ARF6: variants seen among roughly 807,000 people sequenced by gnomAD.
ARF6 encodes the protein ARF GTPase 6.
For missense variants in ARF6, 75 were observed against 232.0 expected (o/e 0.32, Z 4.40); for synonymous variants, 127 against 95.5 (o/e 1.33, Z -1.92).
rs1233851743 is a variant in ARF6 at position 49,895,213 on chromosome 14, ATATT to A, written c.*951_*954del. ...CACACACAGATTAAATAATTTGTAG[ATATT>A]TTAAGTGACTTTTGGGCAAAACTGG... is the stretch of plus-strand genomic sequence containing the variant. On this transcript the variant is annotated 3_prime_UTR_variant, in exon 2 of 2. Coordinates refer to ENST00000298316, the MANE Select transcript of ARF6 (RefSeq NM_001663.4). The A allele has an allele frequency of 6.0e-6, 1 of 166,924 alleles. No homozygotes were observed. The highest frequency in any genetic ancestry group is 1.5e-5 in the Non-Finnish European group (1 of 68,124). The allele number at this position is 166,924 out of a possible 1,614,324, so 10.3% of individuals were successfully genotyped here. A position where few individuals can be genotyped will look rare whatever the true frequency, so the allele number is the denominator to read the frequency against.
At position 49,896,669 on chromosome 14, in the gene ARF6, T is replaced by G. The variant is rs928383713; in HGVS notation, c.*2405T>G. The G allele has an allele frequency of 2.4e-5, 4 of 166,982 alleles. No homozygotes were observed. Among genetic ancestry groups the G allele is most frequent in the African/African-American group, 9.7e-5 (4 of 41,424 alleles). The allele number at this position is 166,982 out of a possible 1,614,324, so 10.3% of individuals were successfully genotyped here. On this transcript the variant is annotated 3_prime_UTR_variant, in exon 2 of 2. Coordinates refer to ENST00000298316, the MANE Select transcript of ARF6 (RefSeq NM_001663.4). ...GGAGGGGGAAGCAAATATTTGAAAT[T>G]TGGAAAACCCTAAACCTTTTGGTAA...
Position 49,893,856 on chromosome 14 carries a change from C to A in ARF6, c.120C>A (p.Thr40=). 1 of 1,614,240 alleles carries A rather than the reference C, an allele frequency of 6.2e-7. No homozygotes were observed. Among genetic ancestry groups the A allele is most frequent in the Non-Finnish European group, 8.5e-7 (1 of 1,180,040 alleles). The change falls in exon 2 of 2, where the codon ACC becomes ACA. Residue 40 remains threonine, a synonymous_variant. Coordinates refer to ENST00000298316, the MANE Select transcript of ARF6 (RefSeq NM_001663.4). ...LYKLKLGQSV[T]TIPTVGFNVE... ...AGTTGAAGCTGGGCCAGTCGGTGACCACCATTCCCACTGTGGGTTTCAACG... is the reference window on the plus strand; with the variant it reads ...AGTTGAAGCTGGGCCAGTCGGTGACAACCATTCCCACTGTGGGTTTCAACG...
intron 1 of ARF6, 41 bp downstream of exon 1, chr14:49,893,198 T>G (rs2139187432): frequency 6.6e-6 from 1 of 152,236 alleles, no homozygotes; most frequent in African/African-American, 2.4e-5. Flanking sequence ...GCCACCTCGG[T>G]CTTCGCTCCT....
Position 49,895,805 on chromosome 14 carries a change from T to C in ARF6, c.*1541T>C, listed in dbSNP as rs1894516596. Reference sequence around the variant, plus strand: ...CACTATGATAATATTTTGAACCAAATGTTAATGCTTGATGCAGAATTGTAA... The same window carrying C: ...CACTATGATAATATTTTGAACCAAACGTTAATGCTTGATGCAGAATTGTAA... On this transcript the variant is annotated 3_prime_UTR_variant, in exon 2 of 2. Transcript: ENST00000298316. The C allele has an allele frequency of 6.0e-6, 1 of 166,634 alleles. No individual in the cohort carries two copies. The highest frequency in any genetic ancestry group is 2.1e-4 in the South Asian group (1 of 4,832). 10.3% of individuals were successfully genotyped at this position (166,634 alleles called of 1,614,324 possible).
rs1447656076 is a variant in ARF6 at position 49,893,642 on chromosome 14, G to T, written c.-95G>T. 5 of 1,498,934 alleles carry T rather than the reference G, an allele frequency of 3.3e-6. No homozygotes were observed. The East Asian group carries it at 9.1e-5, about 27-fold the overall frequency. 92.9% of individuals were successfully genotyped at this position (1,498,934 alleles called of 1,614,324 possible). A position where few individuals can be genotyped will look rare whatever the true frequency, so the allele number is the denominator to read the frequency against. On this transcript the variant is annotated 5_prime_UTR_variant, in exon 2 of 2. Transcript: ENST00000298316. ...AGGCCGCAAAGGCGCTCTCGCGGCC[G>T]AGAGGCTTCGTTTCGGTTTCGCGGC...
Position 49,893,460 on chromosome 14 carries a change from A to C in ARF6, c.-277A>C. 1.3e-5 allele frequency: 4 copies of C among 303,558 alleles called. No individual in the cohort carries two copies. Among genetic ancestry groups the C allele is most frequent in the Non-Finnish European group, 2.4e-5 (4 of 166,576 alleles). The allele number at this position is 303,558 out of a possible 1,614,324, so 18.8% of individuals were successfully genotyped here. On this transcript the variant is annotated 5_prime_UTR_variant, in exon 2 of 2. Transcript: ENST00000298316. ...GCGCGGCGCCTGCGGGGGGAAGGGC[A>C]GTTCCGGGCCGGGCCGCGCCTCAGC...
chr14:49,896,861 C>T lies in ARF6; in HGVS notation c.*2597C>T. On this transcript the variant is annotated 3_prime_UTR_variant, in exon 2 of 2. Transcript: ENST00000298316. ...AGATCCTGAAGTTGTTTAATTGCAT[C>T]CATTTCTGTATTTATGTGAATTTAT... 6.0e-6 allele frequency: 1 copy of T among 166,934 alleles called. No homozygotes were observed. The highest frequency in any genetic ancestry group is 1.9e-4 in the East Asian group (1 of 5,206). The allele number at this position is 166,934 out of a possible 1,614,324, so 10.3% of individuals were successfully genotyped here.
rs181594154 is a variant in ARF6 at position 49,894,382 on chromosome 14, G to A, written c.*118G>A. On this transcript the variant is annotated 3_prime_UTR_variant, in exon 2 of 2. Transcript: ENST00000298316. Reference sequence around the variant, plus strand: ...TCTTCTTTTGAATTTGAACTCTGGAGTTACTGTTCTACAGTTTGGCGGGGA... The same window carrying A: ...TCTTCTTTTGAATTTGAACTCTGGAATTACTGTTCTACAGTTTGGCGGGGA... The A allele has an allele frequency of 4.9e-4, 524 of 1,078,790 alleles. No homozygotes were observed. In the East Asian group the frequency reaches 9.9e-3, roughly 20 times the overall value. The allele number at this position is 1,078,790 out of a possible 1,614,324, so 66.8% of individuals were successfully genotyped here.
At position 49,894,153 on chromosome 14, in the gene ARF6, G is replaced by T. The variant is rs1446870080; in HGVS notation, c.417G>T (p.Leu139=). ...AACCCCACGAGATCCAGGAGAAACT[G>T]GGCCTGACCCGGATTCGGGACAGGA... is the stretch of plus-strand genomic sequence containing the variant. ...AMKPHEIQEK[L]GLTRIRDRNW... is the part of the protein sequence containing the mutation. The change falls in exon 2 of 2, where the codon CTG becomes CTT. Residue 139 remains leucine, a synonymous_variant. Coordinates refer to ENST00000298316, the MANE Select transcript of ARF6 (RefSeq NM_001663.4). 1.2e-5 allele frequency: 20 copies of T among 1,614,144 alleles called. No individual in the cohort carries two copies. The highest frequency in any genetic ancestry group is 1.7e-5 in the Non-Finnish European group (20 of 1,180,024).
rs35848359 is a variant in ARF6 at position 49,894,453 on chromosome 14, CTTTTTTTTTTTT to C, written c.*200_*211del. On this transcript the variant is annotated 3_prime_UTR_variant, in exon 2 of 2. Coordinates refer to ENST00000298316, the MANE Select transcript of ARF6 (RefSeq NM_001663.4). ...TTTTGTTTGTTTCCCTTTCTTTTTCCTTTTTTTTTTTTTTTTTTTTTTGTTGGCTTTGCGTTA... is the reference window on the plus strand; with the variant it reads ...TTTTGTTTGTTTCCCTTTCTTTTTCCTTTTTTTTTTGTTGGCTTTGCGTTA... 123 of 245,576 alleles carry C rather than the reference CTTTTTTTTTTTT, an allele frequency of 5.0e-4. No homozygotes were observed. The highest frequency in any genetic ancestry group is 4.7e-3 in the Middle Eastern group (4 of 848). The allele number at this position is 245,576 out of a possible 1,614,324, so 15.2% of individuals were successfully genotyped here.
rs1366675538 is a variant in ARF6 at position 49,894,015 on chromosome 14, C to T, written c.279C>T (p.Arg93=). Residue 93 remains arginine (R), a synonymous_variant, in exon 2 of 2, where the codon CGC becomes CGT. Transcript: ENST00000298316. ...TCTTCGTAGTGGACTGCGCCGACCG[C>T]GACCGCATCGATGAGGCTCGCCAGG... ...GLIFVVDCAD[R]DRIDEARQEL... is the part of the protein sequence containing the mutation. The T allele has an allele frequency of 6.2e-7, 1 of 1,614,208 alleles. No homozygotes were observed.
Position 49,893,558 on chromosome 14 carries a change from G to C in ARF6, c.-179G>C, listed in dbSNP as rs1894478453. The C allele has an allele frequency of 2.9e-6, 2 of 692,844 alleles. No individual in the cohort carries two copies. The highest frequency in any genetic ancestry group is 2.0e-5 in the South Asian group (1 of 50,658). 42.9% of individuals were successfully genotyped at this position (692,844 alleles called of 1,614,324 possible). A position where few individuals can be genotyped will look rare whatever the true frequency, so the allele number is the denominator to read the frequency against. On this transcript the variant is annotated 5_prime_UTR_variant, in exon 2 of 2. Transcript: ENST00000298316. ...ACTGGAGAAATCAAGTTGTGCGGTC[G>C]GTGATGCCCGAGTGAGCGGGGGGCC... is the stretch of plus-strand genomic sequence containing the variant.
rs1439101005 is a variant in ARF6 at position 49,894,515 on chromosome 14, A to G, written c.*251A>G. 12 of 384,994 alleles carry G rather than the reference A, an allele frequency of 3.1e-5. No homozygotes were observed. Among genetic ancestry groups the G allele is most frequent in the Non-Finnish European group, 4.7e-5 (10 of 213,056 alleles). The allele number at this position is 384,994 out of a possible 1,614,324, so 23.8% of individuals were successfully genotyped here. A position where few individuals can be genotyped will look rare whatever the true frequency, so the allele number is the denominator to read the frequency against. ...AGGATGCTCTGATCTGACATTTGAC[A>G]TGAACACAAAGTTGCTAGATGCTCT... On this transcript the variant is annotated 3_prime_UTR_variant, in exon 2 of 2. Transcript: ENST00000298316.
chr14:49,894,392 T>C lies in ARF6; in HGVS notation c.*128T>C, dbSNP rs1894491852. 1.9e-6 allele frequency: 2 copies of C among 1,034,392 alleles called. No homozygotes were observed. Among genetic ancestry groups the C allele is most frequent in the Middle Eastern group, 2.1e-4 (1 of 4,728 alleles). 64.1% of individuals were successfully genotyped at this position (1,034,392 alleles called of 1,614,324 possible). On this transcript the variant is annotated 3_prime_UTR_variant, in exon 2 of 2. Coordinates refer to ENST00000298316, the MANE Select transcript of ARF6 (RefSeq NM_001663.4). The stretch of plus-strand genomic sequence containing the variant: ...AATTTGAACTCTGGAGTTACTGTTC[T>C]ACAGTTTGGCGGGGACGGGGCTTGG...
chr14:49,894,129 A>G lies in ARF6; in HGVS notation c.393A>G (p.Lys131=). 1 of 1,613,820 alleles carries G rather than the reference A, an allele frequency of 6.2e-7. No individual in the cohort carries two copies. The highest frequency in any genetic ancestry group is 8.5e-7 in the Non-Finnish European group (1 of 1,179,950). The change falls in exon 2 of 2, where the codon AAA becomes AAG. Residue 131 remains lysine, a synonymous_variant. Transcript: ENST00000298316. ...ANKQDLPDAM[K]PHEIQEKLGL... ...AGCAGGACCTGCCCGATGCCATGAA[A>G]CCCCACGAGATCCAGGAGAAACTGG... is the stretch of plus-strand genomic sequence containing the variant.
At position 49,893,961 on chromosome 14, in the gene ARF6, G is replaced by T. The variant is rs1014207956; in HGVS notation, c.225G>T (p.Arg75=). Residue 75 remains arginine (R), a synonymous_variant, in exon 2 of 2, where the codon CGG becomes CGT. Transcript: ENST00000298316. Reference sequence around the variant, plus strand: ...AGGACAAGATCCGGCCGCTCTGGCGGCATTACTACACTGGGACCCAAGGTC... The same window carrying T: ...AGGACAAGATCCGGCCGCTCTGGCGTCATTACTACACTGGGACCCAAGGTC... The part of the protein sequence containing the change: ...GGQDKIRPLW[R]HYYTGTQGLI... The T allele has an allele frequency of 6.2e-7, 1 of 1,614,234 alleles. No individual in the cohort carries two copies.
At position 49,895,666 on chromosome 14, in the gene ARF6, A is replaced by C. The variant is rs1894514583; in HGVS notation, c.*1402A>C. ...GATGAAGAGAAAGAACCTACAGATG[A>C]CAATGAATGTAAACTTATTTTTCTT... On this transcript the variant is annotated 3_prime_UTR_variant, in exon 2 of 2. Transcript: ENST00000298316. 1 of 167,046 alleles carries C rather than the reference A, an allele frequency of 6.0e-6. No homozygotes were observed. Among genetic ancestry groups the C allele is most frequent in the South Asian group, 2.1e-4 (1 of 4,838 alleles). The allele number at this position is 167,046 out of a possible 1,614,324, so 10.3% of individuals were successfully genotyped here.
Position 49,894,537 on chromosome 14 carries a change from C to G in ARF6, c.*273C>G. Reference sequence around the variant, plus strand: ...GACATGAACACAAAGTTGCTAGATGCTCTTGTTGACTTCCAGCAGATGGGA... The same window carrying G: ...GACATGAACACAAAGTTGCTAGATGGTCTTGTTGACTTCCAGCAGATGGGA... On this transcript the variant is annotated 3_prime_UTR_variant, in exon 2 of 2. Coordinates refer to ENST00000298316, the MANE Select transcript of ARF6 (RefSeq NM_001663.4). 1 of 338,398 alleles carries G rather than the reference C, an allele frequency of 3.0e-6. No individual in the cohort carries two copies. Among genetic ancestry groups the G allele is most frequent in the South Asian group, 7.5e-5 (1 of 13,422 alleles). The allele number at this position is 338,398 out of a possible 1,614,324, so 21.0% of individuals were successfully genotyped here.
In ARF6 at chr14:49,893,175, G is replaced by C. The variant is rs1186168401; in HGVS notation, c.-482+18G>C. Reference sequence around the variant, plus strand: ...GGCTGGAGGTAACCCCTTGGGCCGAGCTGGAAAGGCGGGCCACCTCGGTCT... The same window carrying C: ...GGCTGGAGGTAACCCCTTGGGCCGACCTGGAAAGGCGGGCCACCTCGGTCT... On this transcript the variant is annotated intron_variant, in intron 1 of 1. Transcript: ENST00000298316. 2 of 152,338 alleles carry C rather than the reference G, an allele frequency of 1.3e-5. No individual in the cohort carries two copies. The highest frequency in any genetic ancestry group is 2.4e-5 in the African/African-American group (1 of 41,442). The allele number at this position is 152,338 out of a possible 1,614,324, so 9.4% of individuals were successfully genotyped here. A position where few individuals can be genotyped will look rare whatever the true frequency, so the allele number is the denominator to read the frequency against.
Sources: gnomAD v4.1 joint callset for allele counts on GRCh38, gnomAD v4.1.1 for gene constraint, MANE v1.5 for transcripts, NCBI Gene and HGNC (gene_info 2026-07-23, HGNC 2026-07-21) for gene names.